Variants in VKORC1L1 observed in about 807,000 individuals in gnomAD.
VKORC1L1 encodes the protein vitamin K epoxide reductase complex subunit 1L1.
VKORC1L1 carries 2 observed loss-of-function variants against 18.9 expected under a neutral mutation model. That is an observed-to-expected ratio of 0.11 (90% CI 0.04 to 0.33). VKORC1L1 has a LOEUF of 0.33. VKORC1L1 is among the 10% of genes least tolerant of loss of function. VKORC1L1 has a pLI of 1.00. For missense variants in VKORC1L1, 123 were observed against 224.1 expected (o/e 0.55, Z 2.88); for synonymous variants, 96 against 100.0 (o/e 0.96, Z 0.24).
Position 65,958,935 on chromosome 7 carries a change from G to A in VKORC1L1, c.*4635G>A, listed in dbSNP as rs559394886. 5.9e-5 allele frequency: 9 copies of A among 152,330 alleles called. No homozygotes were observed. Among genetic ancestry groups the A allele is most frequent in the African/African-American group, 9.6e-5 (4 of 41,566 alleles). The allele number at this position is 152,330 out of a possible 1,614,324, so 9.4% of individuals were successfully genotyped here. ...TAGCATCGGCAAGAAAGATGAATCC[G>A]TTGGAAATACAGCTGAGCCATACTT... On this transcript the variant is annotated 3_prime_UTR_variant, in exon 3 of 3. Coordinates refer to ENST00000360768, the MANE Select transcript of VKORC1L1 (RefSeq NM_173517.6).
intron 1 of VKORC1L1, among the ~76,000 whole-genome samples, chr7:65,897,695 CTTTT>C (rs67153520): frequency 2.9e-5 from 4 of 137,684 alleles, no homozygotes; most frequent in Admixed American, 7.3e-5. Flanking sequence ...GGCTTATAAT[CTTTT>C]TTTTTTTTTT....
intron 1 of VKORC1L1, among the ~76,000 whole-genome samples, chr7:65,884,445 T>C (rs1351437805): frequency 1.3e-5 from 2 of 152,192 alleles, no homozygotes; most frequent in Non-Finnish European, 2.9e-5. Context: ...GAGACCAGCC[T>C]GGCCAACGTG....
chr7:65,897,187 A>G (rs2116379694), intron 1 of VKORC1L1, among the ~76,000 whole-genome samples: 1 of 152,366 alleles, frequency 6.6e-6, no homozygotes, highest in South Asian at 2.1e-4. Flanking sequence ...ACAGGTGGGC[A>G]CATTCAGAGA....
intron 1 of VKORC1L1, among the ~76,000 whole-genome samples, chr7:65,906,863 C>A (rs137968199): frequency 6.6e-6 from 1 of 152,072 alleles, no homozygotes; most frequent in African/African-American, 2.4e-5. Flanking sequence ...GAGGCTATAA[C>A]CTGGGATGGG....
chr7:65,923,199 C>T (rs1789706605), intron 1 of VKORC1L1, among the ~76,000 whole-genome samples: 1 of 152,060 alleles, frequency 6.6e-6, no homozygotes, highest in Non-Finnish European at 1.5e-5. Context: ...CCCTGACGTT[C>T]AAGACCAGCC....
intron 1 of VKORC1L1, among the ~76,000 whole-genome samples, chr7:65,924,758 G>A (rs1013657144): frequency 1.3e-5 from 2 of 152,128 alleles, no homozygotes; most frequent in Non-Finnish European, 2.9e-5. Context: ...AGTAATTTTT[G>A]CAGATGTGGT....
In VKORC1L1 at chr7:65,896,726, C is replaced by T. The variant is rs373897899; in HGVS notation, c.194+23161C>T. On this transcript the variant is annotated intron_variant, in intron 1 of 2. Coordinates refer to ENST00000360768, the MANE Select transcript of VKORC1L1 (RefSeq NM_173517.6). ...GCGTAAAAACAGACACGCTGCTGGG[C>T]CTGGTGGCTCATGCCTATAATCCCA... 7.9e-4 allele frequency among the ~76,000 whole-genome samples: 121 copies of T among 152,244 alleles called. 2 individuals carry two copies. In the South Asian group the frequency reaches 0.024, roughly 31 times the overall value.
intron 1 of VKORC1L1, among the ~76,000 whole-genome samples, chr7:65,930,038 A>G (rs1401273511): frequency 1.3e-5 from 2 of 152,120 alleles, no homozygotes; most frequent in African/African-American, 4.8e-5. Context: ...TGTGTGTGCT[A>G]TTATAAATTA....
At chr7:65,923,687 G>A (rs1294012941) in intron 1 of VKORC1L1, among the ~76,000 whole-genome samples, 1 of 152,176 alleles carries the variant, frequency 6.6e-6, no homozygotes, top group East Asian at 1.9e-4. Flanking sequence ...AATTAAGAGT[G>A]TGAGACCAAA....
At chr7:65,902,020 C>T (rs371750655) in intron 1 of VKORC1L1, among the ~76,000 whole-genome samples, 8 of 152,078 alleles carry the variant, frequency 5.3e-5, no homozygotes, top group East Asian at 1.9e-4. Flanking sequence ...AAGATACAGC[C>T]GATTTAAAGA....
intron 2 of VKORC1L1, 152 bp downstream of exon 2, chr7:65,948,932 G>C (rs1000847623): frequency 1.0e-6 from 1 of 963,824 alleles, no homozygotes; most frequent in Non-Finnish European, 1.5e-6. Context: ...GATTCACTGA[G>C]ATTTTTATTA....
chr7:65,878,313 G>C (rs776647602), intron 1 of VKORC1L1, among the ~76,000 whole-genome samples: 18 of 152,116 alleles, frequency 1.2e-4, no homozygotes, highest in Admixed American at 3.9e-4. Flanking sequence ...CGGGCATGGT[G>C]GTGGGCACCT....
chr7:65,920,695 C>G (rs776865150), intron 1 of VKORC1L1, among the ~76,000 whole-genome samples: 1 of 151,890 alleles, frequency 6.6e-6, no homozygotes, highest in Non-Finnish European at 1.5e-5. Flanking sequence ...GTTTTTCTCT[C>G]TTTTAAAAAT....
At chr7:65,938,795 A>C (rs900064807) in intron 1 of VKORC1L1, among the ~76,000 whole-genome samples, 1 of 152,194 alleles carries the variant, frequency 6.6e-6, no homozygotes, top group African/African-American at 2.4e-5. Flanking sequence ...GGAAGCCTTG[A>C]AACAGCGAAG....
intron 1 of VKORC1L1, among the ~76,000 whole-genome samples, chr7:65,940,296 G>A (rs758362171): frequency 3.9e-5 from 6 of 152,158 alleles, no homozygotes; most frequent in African/African-American, 1.2e-4. Context: ...GCAATAACAG[G>A]CATAAGCCAT....
intron 1 of VKORC1L1, among the ~76,000 whole-genome samples, chr7:65,947,818 C>G (rs1156953018): frequency 2.0e-5 from 3 of 151,894 alleles, no homozygotes; most frequent in Non-Finnish European, 4.4e-5. Context: ...AGTCTCCCAA[C>G]TAGCTGGGAT....
chr7:65,873,034 C>G (rs2116310930), upstream of VKORC1L1, among the ~76,000 whole-genome samples: 4 of 146,156 alleles, frequency 2.7e-5, no homozygotes, highest in South Asian at 8.7e-4. Context: ...CTCCACCCCT[C>G]GCGCGCGACC....
rs911514282 is a variant in VKORC1L1 at position 65,906,503 on chromosome 7, C to T, written c.194+32938C>T. On this transcript the variant is annotated intron_variant, in intron 1 of 2. Coordinates refer to ENST00000360768, the MANE Select transcript of VKORC1L1 (RefSeq NM_173517.6). ...GACTTACTGGCCTATTTTGTAAGAC[C>T]CCCAAAGGTGGAGAACTGGATCAGG... Among the ~76,000 whole-genome samples the T allele has an allele frequency of 9.9e-5, 15 of 152,050 alleles. No individual in the cohort carries two copies. The East Asian group carries it at 1.9e-3, about 20-fold the overall frequency.
chr7:65,926,908 C>T (rs190281524), intron 1 of VKORC1L1, among the ~76,000 whole-genome samples: 1 of 152,130 alleles, frequency 6.6e-6, no homozygotes, highest in South Asian at 2.1e-4. Context: ...GCTATGAGTA[C>T]TCAAAGGCAA....
Sources: allele counts gnomAD v4.1 joint callset (sites outside exome capture counted in the v4.1 genomes callset), GRCh38; gene constraint gnomAD v4.1.1; transcripts MANE v1.5; gene names NCBI Gene and HGNC (gene_info 2026-07-23, HGNC 2026-07-21).